MVK: variants seen among roughly 807,000 people sequenced by gnomAD.
The protein encoded by MVK is mevalonate kinase.
A neutral mutation model predicts 43.2 loss-of-function variants in MVK; 34 were observed. The ratio of observed to expected loss-of-function variants is 0.79; its 90% CI spans 0.60 to 1.05. MVK has a LOEUF of 1.05. Among genes scored for constraint, MVK ranks in the 50% least tolerant of loss-of-function variants. MVK has a pLI of 0.00. For synonymous variants in MVK, 190 were observed against 219.8 expected (o/e 0.86, Z 1.20); for missense variants, 395 against 504.0 (o/e 0.78, Z 2.07).
At chr12:109,581,249 G>C in intron 4 of MVK, 146 bp from the exon 5 acceptor site, 2 of 969,582 alleles carry the variant, frequency 2.1e-6, no homozygotes, top group Non-Finnish European at 3.3e-6. Context: ...ATGTTCAATA[G>C]GGATACATTT....
At chr12:109,589,262 G>T in intron 7 of MVK, 1 of 152,440 alleles carries the variant, frequency 6.6e-6, no homozygotes, top group Non-Finnish European at 1.5e-5. Context: ...ACTTGTCTAA[G>T]AAAGATGAAG....
chr12:109,576,687 A>G (rs1299078792), intron 3 of MVK, among the ~76,000 whole-genome samples: 3 of 152,162 alleles, frequency 2.0e-5, no homozygotes, highest in African/African-American at 7.2e-5. Context: ...CCTGGCCAAC[A>G]TGTCGAAACC....
intron 9 of MVK, among the ~76,000 whole-genome samples, chr12:109,594,624 A>T (rs1232719048): frequency 6.6e-6 from 1 of 152,216 alleles, no homozygotes; most frequent in Non-Finnish European, 1.5e-5. Context: ...ATATCTGATC[A>T]TGTGGCAAGA....
intron 2 of MVK, 37 bp downstream of exon 2, chr12:109,574,937 C>T (rs1300827098): frequency 6.4e-7 from 1 of 1,571,776 alleles, no homozygotes; most frequent in East Asian, 2.3e-5. Context: ...ATTGGGTACC[C>T]CTTCTCCCTG....
At chr12:109,584,353 C>T (rs1231607894) in intron 5 of MVK, among the ~76,000 whole-genome samples, 2 of 152,154 alleles carry the variant, frequency 1.3e-5, no homozygotes, top group Non-Finnish European at 2.9e-5. Flanking sequence ...TTGCTCAGGG[C>T]TCACAGCAAG....
In MVK at chr12:109,591,408, A is replaced by C. The variant is rs751555285; in HGVS notation, c.885+51A>C. ...GGTTACTGAGTCCACACCACTGTCC[A>C]AGGCAGTGGCTCTGCAATCTGGCTG... On this transcript the variant is annotated intron_variant, in intron 9 of 10. Transcript: ENST00000228510. The C allele has an allele frequency of 2.9e-5, 44 of 1,518,940 alleles. No homozygotes were observed. Among genetic ancestry groups the C allele is most frequent in the Non-Finnish European group, 8.2e-6 (9 of 1,096,056 alleles). 94.1% of individuals were successfully genotyped at this position (1,518,940 alleles called of 1,614,324 possible).
At chr12:109,581,883 CCCTCCCA>C (rs1470056827) in intron 5 of MVK, among the ~76,000 whole-genome samples, 242 of 152,324 alleles carry the variant, frequency 1.6e-3, no homozygotes, top group African/African-American at 5.6e-3. Flanking sequence ...GTTAGATGAA[CCCTCCCA>C]CCTCTGCATT....
upstream of MVK, chr12:109,573,611 G>T: frequency 9.1e-7 from 1 of 1,104,152 alleles, no homozygotes; most frequent in Non-Finnish European, 1.3e-6. Context: ...ACCCCAGGGC[G>T]GGACACTCCC....
intron 7 of MVK, among the ~76,000 whole-genome samples, chr12:109,587,325 A>C (rs1885480209): frequency 6.6e-6 from 1 of 152,110 alleles, no homozygotes; most frequent in Non-Finnish European, 1.5e-5. Flanking sequence ...AGCAGAAGTG[A>C]CATTTGGAGA....
chr12:109,586,145 T>C lies in MVK; in HGVS notation c.631+20T>C. 1.9e-6 allele frequency: 3 copies of C among 1,573,064 alleles called. No individual in the cohort carries two copies. Among genetic ancestry groups the C allele is most frequent in the Non-Finnish European group, 2.6e-6 (3 of 1,143,556 alleles). ...CCTGGGGTAGGTGTGGCCTCAGGTT[T>C]ATTTTATTGTTGTTATTTTAAAAAT... On this transcript the variant is annotated intron_variant, in intron 6 of 10. Transcript: ENST00000228510.
chr12:109,576,237 G>A (rs1390590026), intron 3 of MVK, 92 bp downstream of exon 3: 1 of 1,537,480 alleles, frequency 6.5e-7, no homozygotes. Flanking sequence ...GGAGCCAGGG[G>A]CCAGCTATTT....
chr12:109,589,572 C>G (rs1885584305), intron 7 of MVK: 1 of 150,546 alleles, frequency 6.6e-6, no homozygotes, highest in Non-Finnish European at 1.5e-5. Flanking sequence ...ATAGAATGTT[C>G]ATCTTTTGTA....
At chr12:109,573,569 C>T, upstream of MVK, 1 of 1,469,720 alleles carries the variant, frequency 6.8e-7, no homozygotes, top group Non-Finnish European at 9.2e-7. Context: ...CGCCACCGCT[C>T]AGGTTTCAAT....
Position 109,596,743 on chromosome 12 carries a change from AC to A in MVK, c.*168del. ...CAAGCTCTGCAGTCCCAGCGGTGGG[AC>A]CTAGGGAGGCATGGTCTGCCCTCTG... is the stretch of plus-strand genomic sequence containing the variant. On this transcript the variant is annotated 3_prime_UTR_variant, in exon 11 of 11. Transcript: ENST00000228510. The A allele has an allele frequency of 1.9e-6, 2 of 1,028,702 alleles. No homozygotes were observed. Among genetic ancestry groups the A allele is most frequent in the Non-Finnish European group, 2.9e-6 (2 of 696,986 alleles). 63.7% of individuals were successfully genotyped at this position (1,028,702 alleles called of 1,614,324 possible). A position where few individuals can be genotyped will look rare whatever the true frequency, so the allele number is the denominator to read the frequency against.
At position 109,596,417 on chromosome 12, in the gene MVK, TC is replaced by T; in HGVS notation, c.1040-5del. On this transcript the variant is annotated splice_polypyrimidine_tract_variant and splice_region_variant and intron_variant, in intron 10 of 10. Coordinates refer to ENST00000228510, the MANE Select transcript of MVK (RefSeq NM_000431.4). ...GTTGTCAAGGGTGACCTGCCTTCCCTCCCCGCAGGGCTGGAGCAGCCAGAAG... is the reference window on the plus strand; with the variant it reads ...GTTGTCAAGGGTGACCTGCCTTCCCTCCCGCAGGGCTGGAGCAGCCAGAAG... 6.2e-7 allele frequency: 1 copy of T among 1,612,618 alleles called. No homozygotes were observed. Among genetic ancestry groups the T allele is most frequent in the East Asian group, 2.2e-5 (1 of 44,850 alleles).
At position 109,574,881 on chromosome 12, in the gene MVK, A is replaced by G. The variant is rs104895295; in HGVS notation, c.59A>G (p.His20Arg). 1.2e-6 allele frequency: 2 copies of G among 1,610,016 alleles called. No individual in the cohort carries two copies. The highest frequency in any genetic ancestry group is 2.2e-5 in the East Asian group (1 of 44,842). Residue 20 changes from histidine (H) to arginine (R), a missense_variant, in exon 2 of 11, where the codon CAT (histidine) becomes CGT (arginine). His to Arg is a conservative substitution (Grantham distance 29). Coordinates refer to ENST00000228510, the MANE Select transcript of MVK (RefSeq NM_000431.4). ...GGGAAAGTCATCCTTCATGGAGAACATGCCGTGGTACATGGCAAGGTACAA... is the reference window on the plus strand; with the variant it reads ...GGGAAAGTCATCCTTCATGGAGAACGTGCCGTGGTACATGGCAAGGTACAA... ...APGKVILHGE[H>R]AVVHGKVALA...
intron 10 of MVK, among the ~76,000 whole-genome samples, chr12:109,596,089 G>T (rs1211868503): frequency 6.6e-6 from 1 of 152,224 alleles, no homozygotes; most frequent in Non-Finnish European, 1.5e-5. Flanking sequence ...TCTGCACGGG[G>T]AGTCATCATT....
Position 109,586,038 on chromosome 12 carries a change from T to G in MVK, c.544T>G (p.Leu182Val), listed in dbSNP as rs774741494. The G allele has an allele frequency of 6.2e-7, 1 of 1,614,070 alleles. No individual in the cohort carries two copies. The highest frequency in any genetic ancestry group is 1.1e-5 in the South Asian group (1 of 91,078). The change falls in exon 6 of 11, where the codon TTG becomes GTG. Residue 182 changes from leucine to valine, a missense_variant. By Grantham distance (32) the Leu-to-Val change is conservative. Transcript: ENST00000228510. ...DCVNRWTKED[L>V]ELINKWAFQG... The stretch of plus-strand genomic sequence containing the variant: ...TGTCTTCAGGTGGACCAAGGAGGAT[T>G]TGGAGCTAATTAACAAGTGGGCCTT...
intron 4 of MVK, among the ~76,000 whole-genome samples, chr12:109,581,127 A>C (rs949338563): frequency 6.6e-6 from 1 of 152,192 alleles, no homozygotes; most frequent in Non-Finnish European, 1.5e-5. Flanking sequence ...GGTGGGAGAA[A>C]GGGGTTGACA....
Sources: gnomAD v4.1 joint callset for allele counts (sites outside exome capture counted in the v4.1 genomes callset) on GRCh38, gnomAD v4.1.1 for gene constraint, MANE v1.5 for transcripts, NCBI Gene and HGNC (gene_info 2026-07-23, HGNC 2026-07-21) for gene names.